CAMTA1: variants seen among roughly 807,000 people sequenced by gnomAD.
CAMTA1 encodes calmodulin-binding transcription activator 1.
In CAMTA1, 27 loss-of-function variants were observed where a neutral mutation model predicts 170.9. The observed-to-expected ratio is 0.16, with a 90% CI of 0.12 to 0.22. The LOEUF is 0.22. Among genes scored for constraint, CAMTA1 ranks in the 10% least tolerant of loss-of-function variants. CAMTA1 has a pLI of 1.00. For missense variants in CAMTA1, 1,619 were observed against 2,217.2 expected, an observed-to-expected ratio of 0.73 and a Z score of 5.42; for synonymous variants, 833 against 891.5, an observed-to-expected ratio of 0.93 and a Z score of 1.17.
chr1:6,837,071 A>C (rs1265198116), intron 3 of CAMTA1, among the ~76,000 whole-genome samples: 3 of 151,466 alleles, frequency 2.0e-5, no homozygotes, highest in African/African-American at 7.3e-5. Context: ...CTCCTGCCTC[A>C]GCCTCCCAAG....
chr1:7,098,312 C>T (rs933147859), intron 4 of CAMTA1, among the ~76,000 whole-genome samples: 1 of 152,242 alleles, frequency 6.6e-6, no homozygotes, highest in African/African-American at 2.4e-5. Context: ...GAACCGGGAA[C>T]GCACTTCAAA....
intron 4 of CAMTA1, among the ~76,000 whole-genome samples, chr1:7,211,643 G>A (rs1003601877): frequency 1.3e-5 from 2 of 152,106 alleles, no homozygotes; most frequent in African/African-American, 2.4e-5. Context: ...TCCCAAGGTC[G>A]CCTTCCACTT....
At chr1:6,936,803 A>G (rs953519994) in intron 3 of CAMTA1, among the ~76,000 whole-genome samples, 4 of 152,078 alleles carry the variant, frequency 2.6e-5, no homozygotes, top group African/African-American at 9.7e-5. Context: ...CCTGGCTAAC[A>G]CGGTGAAACC....
chr1:7,608,574 G>A (rs1576374654), intron 6 of CAMTA1, among the ~76,000 whole-genome samples: 1 of 152,306 alleles, frequency 6.6e-6, no homozygotes, highest in East Asian at 1.9e-4. Context: ...GGCTCCATGA[G>A]AGGCTGATGG....
At chr1:7,509,720 G>A (rs559076410) in intron 6 of CAMTA1, among the ~76,000 whole-genome samples, 7 of 152,124 alleles carry the variant, frequency 4.6e-5, no homozygotes, top group African/African-American at 7.2e-5. Context: ...CAGCTGCTGG[G>A]TCCCTTCCAT....
At chr1:6,960,152 T>C (rs1489681554) in intron 3 of CAMTA1, among the ~76,000 whole-genome samples, 2 of 152,234 alleles carry the variant, frequency 1.3e-5, no homozygotes, top group African/African-American at 4.8e-5. Flanking sequence ...TAAAGCATTC[T>C]ATAAAGGTAG....
At chr1:7,401,229 G>A (rs1158681360) in intron 5 of CAMTA1, among the ~76,000 whole-genome samples, 1 of 152,114 alleles carries the variant, frequency 6.6e-6, no homozygotes, top group Non-Finnish European at 1.5e-5. Flanking sequence ...TTTAATGTAT[G>A]GGTATACAAA....
chr1:7,072,035 G>A (rs915029922), intron 3 of CAMTA1, among the ~76,000 whole-genome samples: 3 of 152,214 alleles, frequency 2.0e-5, no homozygotes, highest in African/African-American at 7.2e-5. Context: ...AAGGGCAAAT[G>A]CTTGTTCTGT....
In CAMTA1 at chr1:7,682,733, G is replaced by A. The variant is rs1354496666; in HGVS notation, c.2914+5000G>A. Among the ~76,000 whole-genome samples the A allele has an allele frequency of 1.3e-5, 2 of 152,192 alleles. No individual in the cohort carries two copies. The highest frequency in any genetic ancestry group is 2.9e-5 in the Non-Finnish European group (2 of 68,034). ...CCTCTGGGTGCTTCTTCCTCCAATGGCAACACTCCAGGGCTTTCTGCTGAG... is the reference window on the plus strand; with the variant it reads ...CCTCTGGGTGCTTCTTCCTCCAATGACAACACTCCAGGGCTTTCTGCTGAG... On this transcript the variant is annotated intron_variant, in intron 11 of 22. Coordinates refer to ENST00000303635, the MANE Select transcript of CAMTA1 (RefSeq NM_015215.4). The surrounding 1 kb of genome is among the most constrained non-coding windows in gnomAD (Gnocchi z 5.0).
intron 11 of CAMTA1, among the ~76,000 whole-genome samples, chr1:7,721,726 TTTTA>T (rs1234463702): frequency 6.6e-6 from 1 of 152,118 alleles, no homozygotes; most frequent in Non-Finnish European, 1.5e-5. Context: ...TTTACCTTAT[TTTTA>T]TTTATTTATT....
chr1:7,081,829 A>G (rs556074777), intron 3 of CAMTA1, among the ~76,000 whole-genome samples: 13 of 152,324 alleles, frequency 8.5e-5, no homozygotes, highest in African/African-American at 2.9e-4. Flanking sequence ...CTGACCTTCA[A>G]TCTTTAAACA....
chr1:7,625,958 G>A (rs567644162), intron 6 of CAMTA1, among the ~76,000 whole-genome samples: 1 of 152,262 alleles, frequency 6.6e-6, no homozygotes, highest in Admixed American at 6.5e-5. Context: ...AGATAAAGAA[G>A]GATTTAAAAA....
Position 7,585,873 on chromosome 1 carries a change from G to A in CAMTA1, c.511-54527G>A, listed in dbSNP as rs575653422. On this transcript the variant is annotated intron_variant, in intron 6 of 22. Coordinates refer to ENST00000303635, the MANE Select transcript of CAMTA1 (RefSeq NM_015215.4). This position sits in a 1 kb window ranked among gnomAD's most constrained non-coding sequence, Gnocchi z 4.8. ...TCCCCTGCCTCCCACCTCCCCTCTC[G>A]ATGCGGCTTTCATTATGTAAACCTG... Among the ~76,000 whole-genome samples, 3 of 151,782 alleles carry A rather than the reference G, an allele frequency of 2.0e-5. No homozygotes were observed. Among genetic ancestry groups the A allele is most frequent in the Non-Finnish European group, 4.4e-5 (3 of 67,966 alleles).
chr1:7,746,781 C>T (rs1218986931), intron 18 of CAMTA1, among the ~76,000 whole-genome samples: 3 of 152,186 alleles, frequency 2.0e-5, no homozygotes, highest in African/African-American at 4.8e-5. Context: ...GAATTACTGG[C>T]GCGTGCCACC....
intron 1 of CAMTA1, among the ~76,000 whole-genome samples, chr1:6,819,255 G>T (rs1646201763): frequency 6.6e-6 from 1 of 151,980 alleles, no homozygotes. Context: ...AAACAAAAAA[G>T]ATATTTTTAG....
At chr1:7,083,285 T>G (rs1299425677) in intron 3 of CAMTA1, among the ~76,000 whole-genome samples, 1 of 152,262 alleles carries the variant, frequency 6.6e-6, no homozygotes, top group African/African-American at 2.4e-5. Flanking sequence ...CCTTACAGTC[T>G]TAACCACTGC....
chr1:7,662,885 G>A (rs564121716), intron 8 of CAMTA1, among the ~76,000 whole-genome samples: 2 of 152,236 alleles, frequency 1.3e-5, no homozygotes, highest in Admixed American at 6.5e-5. Context: ...TCCTCACTGG[G>A]GCATGGCCTG....
intron 1 of CAMTA1, among the ~76,000 whole-genome samples, chr1:6,814,716 T>C (rs1372981852): frequency 3.3e-5 from 5 of 152,196 alleles, no homozygotes; most frequent in African/African-American, 1.2e-4. Context: ...TTTTAAAAAA[T>C]AGTAAAGGTG....
In CAMTA1 at chr1:7,166,146, A is replaced by C. The variant is rs112307741; in HGVS notation, c.302+74775A>C. On this transcript the variant is annotated intron_variant, in intron 4 of 22. Transcript: ENST00000303635. The stretch of plus-strand genomic sequence containing the variant: ...CAGTGGCATGATCTCGGCTCACTGC[A>C]AGCTCCTCCTCCTGGGTTCAGGCCA... Among the ~76,000 whole-genome samples, 945 of 151,652 alleles carry C rather than the reference A, an allele frequency of 6.2e-3. 5 individuals are homozygous for C. The highest frequency in any genetic ancestry group is 0.022 in the African/African-American group (890 of 41,288).
Sources: gnomAD v4.1 joint callset for allele counts (sites outside exome capture counted in the v4.1 genomes callset) on GRCh38, gnomAD v4.1.1 for gene constraint, Gnocchi (gnomAD v3.1) non-coding constraint, MANE v1.5 for transcripts, NCBI Gene and HGNC (gene_info 2026-07-23, HGNC 2026-07-21) for gene names.